Variants in BRCC3 observed in about 807,000 individuals in gnomAD.
BRCC3 encodes BRCA1/BRCA2-containing complex subunit 3.
In BRCC3, 15 loss-of-function variants were observed where a neutral mutation model predicts 28.0. The ratio of observed to expected loss-of-function variants is 0.54; its 90% CI spans 0.36 to 0.82. The LOEUF is 0.82. Among genes scored for constraint, BRCC3 ranks in the 40% least tolerant of loss-of-function variants. The pLI is 0.01. For synonymous variants in BRCC3, 66 were observed against 80.3 expected (o/e 0.82, Z 0.95); for missense variants, 109 against 225.9 (o/e 0.48, Z 3.32).
intron 2 of BRCC3, among the ~76,000 whole-genome samples, chrX:155,072,751 G>T (rs2073997253): frequency 9.1e-6 from 1 of 109,358 alleles, no homozygotes; most frequent in Non-Finnish European, 1.9e-5. Context: ...TACAGACGGG[G>T]TTTCACCATG....
At chrX:155,085,490 A>G (rs782023364) in intron 5 of BRCC3, among the ~76,000 whole-genome samples, 35 of 112,016 alleles carry the variant, frequency 3.1e-4, no homozygotes, top group Non-Finnish European at 6.0e-4. Flanking sequence ...ATGTGGTCCA[A>G]TCCGTAACCT....
chrX:155,106,279 A>G (rs781789338), intron 7 of BRCC3, among the ~76,000 whole-genome samples: 107 of 110,940 alleles, frequency 9.6e-4, no homozygotes, highest in Non-Finnish European at 1.7e-3. Context: ...TTTTTTTTCT[A>G]TTACATCCTC....
chrX:155,085,427 C>T (rs1275552824), intron 5 of BRCC3, among the ~76,000 whole-genome samples: 1 of 112,328 alleles, frequency 8.9e-6, no homozygotes, highest in Non-Finnish European at 1.9e-5. Context: ...AACCAGCTCT[C>T]TGCCGTACTT....
intron 5 of BRCC3, among the ~76,000 whole-genome samples, chrX:155,084,008 A>C (rs2074102349): frequency 1.8e-5 from 2 of 111,970 alleles, no homozygotes; most frequent in African/African-American, 6.5e-5. Context: ...ACAGCATCTC[A>C]CTTTGATTGA....
intron 7 of BRCC3, among the ~76,000 whole-genome samples, chrX:155,100,026 T>C (rs1164956874): frequency 8.9e-6 from 1 of 112,185 alleles, no homozygotes; most frequent in Admixed American, 9.5e-5. Context: ...TGTTTTTTAA[T>C]ATTCCGTTTT....
intron 5 of BRCC3, among the ~76,000 whole-genome samples, chrX:155,081,652 TC>T (rs2074086483): frequency 8.9e-6 from 1 of 111,849 alleles, no homozygotes; most frequent in African/African-American, 3.3e-5. Context: ...GAAAGTGAAA[TC>T]TTTTTTTCTG....
chrX:155,084,487 T>C (rs973995493), intron 5 of BRCC3, among the ~76,000 whole-genome samples: 5 of 111,664 alleles, frequency 4.5e-5, no homozygotes, highest in Non-Finnish European at 9.4e-5. Flanking sequence ...CTCAGCCTCC[T>C]GAGTAGCTGG....
intron 7 of BRCC3, chrX:155,099,299 T>C (rs2074232135): frequency 8.3e-7 from 1 of 1,203,732 alleles, no homozygotes; most frequent in African/African-American, 1.8e-5. Context: ...TCTTGGTGTG[T>C]GGTTTCCATC....
At chrX:155,096,641 C>T (rs1027318363) in intron 7 of BRCC3, among the ~76,000 whole-genome samples, 2 of 112,063 alleles carry the variant, frequency 1.8e-5, no homozygotes, top group African/African-American at 6.5e-5. Context: ...ACATTTTTCA[C>T]AGAGATAGAA....
chrX:155,100,564 AT>A (rs1569560538), intron 7 of BRCC3, among the ~76,000 whole-genome samples: 2 of 112,258 alleles, frequency 1.8e-5, no homozygotes, highest in Admixed American at 9.4e-5. Flanking sequence ...TTTTATCATG[AT>A]TAGATGTAGA....
intron 7 of BRCC3, among the ~76,000 whole-genome samples, chrX:155,113,231 G>T (rs1446913335): frequency 2.3e-4 from 23 of 99,686 alleles, no homozygotes; most frequent in African/African-American, 8.6e-4. Flanking sequence ...AAACAAGTTC[G>T]AAAAAGAACC....
chrX:155,082,007 T>G (rs1166781470), intron 5 of BRCC3, among the ~76,000 whole-genome samples: 1 of 111,449 alleles, frequency 9.0e-6, no homozygotes, highest in Non-Finnish European at 1.9e-5. Flanking sequence ...AGGGGAAGCA[T>G]CTATAAAAAT....
chrX:155,072,430 G>C, intron 2 of BRCC3, 87 bp downstream of exon 2: 1 of 725,620 alleles, frequency 1.4e-6, no homozygotes, highest in Non-Finnish European at 2.1e-6. Context: ...TATTGTGTCC[G>C]GATCGTGTCT....
intron 7 of BRCC3, among the ~76,000 whole-genome samples, chrX:155,105,255 C>G (rs994959169): frequency 1.4e-4 from 16 of 111,327 alleles, no homozygotes; most frequent in South Asian, 3.8e-4. Flanking sequence ...GGCCGAGGCG[C>G]GTGGATCACT....
intron 5 of BRCC3, among the ~76,000 whole-genome samples, chrX:155,081,762 G>A (rs1327614707): frequency 8.9e-6 from 1 of 111,774 alleles, no homozygotes; most frequent in African/African-American, 3.3e-5. Context: ...TTAAGTTCCA[G>A]TGGGCTAGGT....
At chrX:155,099,183 ATG>A (rs1297208034) in intron 7 of BRCC3, 42 of 628,051 alleles carry the variant, frequency 6.7e-5, no homozygotes, top group African/African-American at 1.3e-4. Flanking sequence ...AAAATTAGAA[ATG>A]TTTTTTTTTT....
At chrX:155,105,355 T>C (rs940979291) in intron 7 of BRCC3, among the ~76,000 whole-genome samples, 14 of 111,442 alleles carry the variant, frequency 1.3e-4, no homozygotes, top group South Asian at 3.7e-4. Context: ...TGGTGGCGCA[T>C]GCCTGTAATC....
chrX:155,116,569 C>A, intron 8 of BRCC3, 142 bp from the exon 9 acceptor site: 1 of 408,084 alleles, frequency 2.5e-6, no homozygotes, highest in Non-Finnish European at 4.3e-6. Context: ...AAAATCACAT[C>A]CCCCAAATCA....
rs781888252 is a variant in BRCC3 at position 155,081,897 on chromosome X, TG to T, written c.403+3200del. Reference sequence around the variant, plus strand: ...CTGTCCTGGACCTTAATGATTTTGTTGGGGGGAAAACAGAGTACTAAAGGGA... The same window carrying T: ...CTGTCCTGGACCTTAATGATTTTGTTGGGGGAAAACAGAGTACTAAAGGGA... On this transcript the variant is annotated intron_variant, in intron 5 of 10. Transcript: ENST00000330045. Among the ~76,000 whole-genome samples, 4 of 111,517 alleles carry T rather than the reference TG, an allele frequency of 3.6e-5. No homozygotes were observed. The East Asian group carries it at 1.1e-3, about 31-fold the overall frequency.
Sources: allele counts gnomAD v4.1 joint callset (sites outside exome capture counted in the v4.1 genomes callset), GRCh38; gene constraint gnomAD v4.1.1; transcripts MANE v1.5; gene names NCBI Gene and HGNC (gene_info 2026-07-23, HGNC 2026-07-21).